IL16: variants seen among roughly 807,000 people sequenced by gnomAD.
The protein encoded by IL16 is interleukin 16.
IL16 carries 67 observed loss-of-function variants against 110.1 expected under a neutral mutation model. The ratio of observed to expected loss-of-function variants is 0.61; its 90% CI spans 0.50 to 0.75. The LOEUF is 0.75. IL16 is among the 30% of genes least tolerant of loss of function. The pLI is 0.00. For synonymous variants in IL16, 689 were observed against 662.9 expected, an observed-to-expected ratio of 1.04 and a Z score of -0.61; for missense variants, 1,545 against 1,655.0, an observed-to-expected ratio of 0.93 and a Z score of 1.15.
chr15:81,258,083 G>A (rs955895915), intron 2 of IL16, among the ~76,000 whole-genome samples: 6 of 152,122 alleles, frequency 3.9e-5, no homozygotes, highest in Admixed American at 6.5e-5. Flanking sequence ...TATAACTCAA[G>A]AGTTAAGTGA....
intron 2 of IL16, among the ~76,000 whole-genome samples, chr15:81,243,164 T>TATATATATATATATATATA (rs60077602): frequency 1.6e-3 from 26 of 15,760 alleles, no homozygotes; most frequent in African/African-American, 2.5e-3. Flanking sequence ...TATATATATA[T>TATATATATATATATATATA]TTTTTTTTTT....
intron 5 of IL16, among the ~76,000 whole-genome samples, chr15:81,270,461 A>G (rs1282355526): frequency 6.6e-6 from 1 of 151,782 alleles, no homozygotes; most frequent in Non-Finnish European, 1.5e-5. Context: ...ATACACCTCA[A>G]GTCCTCTTTC....
At chr15:81,228,770 A>T (rs1191052752) in intron 2 of IL16, among the ~76,000 whole-genome samples, 1 of 152,178 alleles carries the variant, frequency 6.6e-6, no homozygotes. Flanking sequence ...CTATTTCTGA[A>T]GGGCAATATG....
At chr15:81,199,418 G>A (rs1025511762) in intron 1 of IL16, among the ~76,000 whole-genome samples, 1 of 152,220 alleles carries the variant, frequency 6.6e-6, no homozygotes, top group Non-Finnish European at 1.5e-5. Flanking sequence ...GAAGGGCGGA[G>A]CCCATCAGGA....
In IL16 at chr15:81,306,562, G is replaced by T; in HGVS notation, c.3805+17G>T. 6.2e-7 allele frequency: 1 copy of T among 1,609,848 alleles called. No homozygotes were observed. Among genetic ancestry groups the T allele is most frequent in the Middle Eastern group, 1.7e-4 (1 of 6,060 alleles). The stretch of plus-strand genomic sequence containing the variant: ...TTTTCAAAGGTGTGGGGTGTGTCTG[G>T]TTCTTTGCGTGCTCTCCAGTTGTGG... On this transcript the variant is annotated intron_variant, in intron 18 of 18. Coordinates refer to ENST00000683961, the MANE Select transcript of IL16 (RefSeq NM_172217.5).
chr15:81,275,974 C>CTCT (rs1898891434), intron 6 of IL16, among the ~76,000 whole-genome samples: 1 of 152,162 alleles, frequency 6.6e-6, no homozygotes, highest in Non-Finnish European at 1.5e-5. Context: ...TCCAAAAAGC[C>CTCT]CAGAGCTGGG....
chr15:81,279,049 C>G (rs563161945), intron 7 of IL16, among the ~76,000 whole-genome samples, 159 bp downstream of exon 7: 2 of 152,320 alleles, frequency 1.3e-5, no homozygotes, highest in South Asian at 4.1e-4. Context: ...AGACCTGACT[C>G]AGAAAATAAT....
intron 1 of IL16, among the ~76,000 whole-genome samples, chr15:81,223,189 A>G (rs1361311184): frequency 6.6e-6 from 1 of 152,170 alleles, no homozygotes; most frequent in African/African-American, 2.4e-5. Flanking sequence ...CAGACCTGAT[A>G]CAACAGTTTC....
chr15:81,216,742 C>A (rs1896448825), intron 1 of IL16, among the ~76,000 whole-genome samples: 1 of 152,086 alleles, frequency 6.6e-6, no homozygotes, highest in South Asian at 2.1e-4. Flanking sequence ...TGAGAAGAAC[C>A]CAAAGCTGTT....
intron 1 of IL16, among the ~76,000 whole-genome samples, chr15:81,223,713 G>A (rs1275889330): frequency 1.3e-5 from 2 of 152,242 alleles, no homozygotes; most frequent in African/African-American, 2.4e-5. Context: ...TGTTGGAAAT[G>A]TGTTATCAAG....
intron 2 of IL16, among the ~76,000 whole-genome samples, chr15:81,253,561 C>G (rs974601465): frequency 6.6e-6 from 1 of 152,134 alleles, no homozygotes; most frequent in Non-Finnish European, 1.5e-5. Flanking sequence ...AGATTTACTC[C>G]TATATTTTCT....
At chr15:81,272,447 A>G (rs892972431) in intron 5 of IL16, among the ~76,000 whole-genome samples, 2 of 152,116 alleles carry the variant, frequency 1.3e-5, no homozygotes, top group Non-Finnish European at 2.9e-5. Flanking sequence ...CTGCTGAGCT[A>G]TGAGTTTATT....
At chr15:81,203,807 T>C (rs978830789) in intron 1 of IL16, among the ~76,000 whole-genome samples, 1 of 152,222 alleles carries the variant, frequency 6.6e-6, no homozygotes, top group African/African-American at 2.4e-5. Context: ...CAATGCGGGC[T>C]CTTTTTTGGT....
At chr15:81,290,753 C>A (rs1056107600) in intron 11 of IL16, among the ~76,000 whole-genome samples, 1 of 152,158 alleles carries the variant, frequency 6.6e-6, no homozygotes, top group Non-Finnish European at 1.5e-5. Context: ...TTAAAAGCAT[C>A]TGAATTTAAA....
At chr15:81,190,017 C>T (rs1337851691) in intron 1 of IL16, among the ~76,000 whole-genome samples, 1 of 152,188 alleles carries the variant, frequency 6.6e-6, no homozygotes, top group Non-Finnish European at 1.5e-5. Context: ...CCTCGAACTC[C>T]ACCCTTGTCC....
chr15:81,207,177 G>C (rs1896054271), intron 1 of IL16, among the ~76,000 whole-genome samples: 1 of 149,398 alleles, frequency 6.7e-6, no homozygotes, highest in Non-Finnish European at 1.5e-5. Flanking sequence ...GGCAGAGCTT[G>C]CAGTGAGCTG....
At chr15:81,198,011 G>A (rs1044574129) in intron 1 of IL16, among the ~76,000 whole-genome samples, 4 of 152,098 alleles carry the variant, frequency 2.6e-5, no homozygotes, top group Non-Finnish European at 4.4e-5. Flanking sequence ...GGAGAAGACC[G>A]TTCAGCCTTT....
Position 81,296,985 on chromosome 15 carries a change from C to G in IL16, c.1960C>G (p.Pro654Ala). Reference sequence around the variant, plus strand: ...ACAGGAAGACACAGCAGGGAGAAGCCCTAGTGCCTCTGCCGGCTGCCCAGG... The same window carrying G: ...ACAGGAAGACACAGCAGGGAGAAGCGCTAGTGCCTCTGCCGGCTGCCCAGG... ...LPQEDTAGRS[P>A]SASAGCPGPG... Residue 654 changes from proline to alanine, a missense_variant, in exon 13 of 19, where the codon CCT (proline) becomes GCT (alanine). Pro to Ala is a conservative substitution (Grantham distance 27). This residue lies in a region of IL16 where 1,185 missense variants were observed against 1,238.8 expected (regional missense o/e 0.96). Transcript: ENST00000683961. The G allele has an allele frequency of 6.2e-7, 1 of 1,613,730 alleles. No individual in the cohort carries two copies. Among genetic ancestry groups the G allele is most frequent in the Non-Finnish European group, 8.5e-7 (1 of 1,179,862 alleles).
intron 1 of IL16, among the ~76,000 whole-genome samples, chr15:81,197,357 A>C (rs906416132): frequency 5.9e-5 from 9 of 152,206 alleles, no homozygotes; most frequent in African/African-American, 2.2e-4. Flanking sequence ...AGTTAGGTAC[A>C]GGAGGAAGCA....
Sources: allele counts gnomAD v4.1 joint callset (sites outside exome capture counted in the v4.1 genomes callset), GRCh38; gene constraint gnomAD v4.1.1; regional missense constraint gnomAD v4.1.1; transcripts MANE v1.5; gene names NCBI Gene and HGNC (gene_info 2026-07-23, HGNC 2026-07-21).